The following ZNF441 variants were observed in gnomAD, a reference collection of about 807,000 sequenced individuals.
ZNF441 encodes zinc finger protein 441.
In ZNF441, 25 loss-of-function variants were observed where a neutral mutation model predicts 64.5. That is an observed-to-expected ratio of 0.39 (90% CI 0.28 to 0.54). The LOEUF (loss-of-function observed/expected upper bound fraction) is 0.54, where lower values mean the gene tolerates loss of function less well. Among genes scored for constraint, ZNF441 ranks in the 20% least tolerant of loss-of-function variants. ZNF441 has a pLI of 0.70. For synonymous variants in ZNF441, 262 were observed against 268.0 expected (o/e 0.98, Z 0.22); for missense variants, 715 against 843.3 (o/e 0.85, Z 1.88).
rs1358898007 is a variant in ZNF441 at position 11,783,688 on chromosome 19, G to A, written c.*1782G>A. 1 of 152,174 alleles carries A rather than the reference G, an allele frequency of 6.6e-6. No homozygotes were observed. The highest frequency in any genetic ancestry group is 6.6e-5 in the Admixed American group (1 of 15,264). The allele number at this position is 152,174 out of a possible 1,614,324, so 9.4% of individuals were successfully genotyped here. A position where few individuals can be genotyped will look rare whatever the true frequency, so the allele number is the denominator to read the frequency against. On this transcript the variant is annotated 3_prime_UTR_variant, in exon 4 of 4. Coordinates refer to ENST00000357901, the MANE Select transcript of ZNF441 (RefSeq NM_152355.3). ...AGGCACAGAAAGACAAATACCACATGTTCTCACTTATATGTGGGAGGTGAA... is the reference window on the plus strand; with the variant it reads ...AGGCACAGAAAGACAAATACCACATATTCTCACTTATATGTGGGAGGTGAA...
At chr19:11,777,522 A>G in intron 1 of ZNF441, 89 bp from the exon 2 acceptor site, 1 of 1,453,302 alleles carries the variant, frequency 6.9e-7, no homozygotes, top group Non-Finnish European at 9.3e-7. Context: ...CTTGGAAACC[A>G]CAGCATCATG....
At chr19:11,777,311 A>T (rs538243941) in intron 1 of ZNF441, among the ~76,000 whole-genome samples, 1 of 152,196 alleles carries the variant, frequency 6.6e-6, no homozygotes, top group East Asian at 1.9e-4. Context: ...TGTCATGACA[A>T]GAACTGCAGA....
intron 1 of ZNF441, among the ~76,000 whole-genome samples, chr19:11,768,792 T>C (rs1276441089): frequency 1.3e-5 from 2 of 152,058 alleles, no homozygotes; most frequent in Non-Finnish European, 2.9e-5. Context: ...TCCTTGGGGA[T>C]ATATGGCTGG....
At position 11,780,327 on chromosome 19, in the gene ZNF441, T is replaced by G; in HGVS notation, c.503T>G (p.Leu168Arg). 1.2e-6 allele frequency: 2 copies of G among 1,614,182 alleles called. No individual in the cohort carries two copies. The highest frequency in any genetic ancestry group is 1.7e-6 in the Non-Finnish European group (2 of 1,180,044). Residue 168 changes from leucine to arginine, a missense_variant, in exon 4 of 4, where the codon CTC (leucine) becomes CGC (arginine). Physicochemically the swap from Leu to Arg is moderately radical, Grantham distance 102 (BLOSUM62 -2). Coordinates refer to ENST00000357901, the MANE Select transcript of ZNF441 (RefSeq NM_152355.3). ...IHERPQHGKK[L>R]YDCKECASFS... The stretch of plus-strand genomic sequence containing the variant: ...GAAAGACCTCAGCATGGAAAGAAAC[T>G]CTATGATTGTAAGGAATGTGCAAGC...
chr19:11,775,853 C>G (rs1029286434), intron 1 of ZNF441, among the ~76,000 whole-genome samples: 1 of 151,860 alleles, frequency 6.6e-6, no homozygotes, highest in African/African-American at 2.4e-5. Context: ...GTCTCAAACT[C>G]CAGACCTCAG....
At position 11,783,009 on chromosome 19, in the gene ZNF441, A is replaced by G. The variant is rs765064162; in HGVS notation, c.*1103A>G. 2.0e-5 allele frequency: 3 copies of G among 152,228 alleles called. No homozygotes were observed. Among genetic ancestry groups the G allele is most frequent in the South Asian group, 2.1e-4 (1 of 4,834 alleles). The allele number at this position is 152,228 out of a possible 1,614,324, so 9.4% of individuals were successfully genotyped here. Reference sequence around the variant, plus strand: ...TAAAGGGAACAACAAGAGTGCAGAGAAAACCTGTTGAATATGAGAGAATAT... The same window carrying G: ...TAAAGGGAACAACAAGAGTGCAGAGGAAACCTGTTGAATATGAGAGAATAT... On this transcript the variant is annotated 3_prime_UTR_variant, in exon 4 of 4. Transcript: ENST00000357901.
chr19:11,778,053 T>C, intron 2 of ZNF441: 1 of 426,500 alleles, frequency 2.3e-6, no homozygotes, highest in Non-Finnish European at 4.2e-6. Context: ...GGAACATTAT[T>C]TAGTATTCAT....
Position 11,777,596 on chromosome 19 carries a change from T to G in ZNF441, c.4-15T>G. 6.2e-7 allele frequency: 1 copy of G among 1,608,208 alleles called. No individual in the cohort carries two copies. Among genetic ancestry groups the G allele is most frequent in the Non-Finnish European group, 8.5e-7 (1 of 1,177,242 alleles). ...AGTTTTAATATTCCTCCTCTGCACA[T>G]GTGAAATATTTCAGGACTCAGTGGC... On this transcript the variant is annotated splice_polypyrimidine_tract_variant and intron_variant, in intron 1 of 3. Coordinates refer to ENST00000357901, the MANE Select transcript of ZNF441 (RefSeq NM_152355.3).
intron 1 of ZNF441, among the ~76,000 whole-genome samples, chr19:11,768,632 T>C (rs1975289383): frequency 6.6e-6 from 1 of 152,200 alleles, no homozygotes; most frequent in Non-Finnish European, 1.5e-5. Flanking sequence ...TCAGTCCCTT[T>C]GTCACTCCTC....
chr19:11,773,208 T>G (rs1450637161), intron 1 of ZNF441, among the ~76,000 whole-genome samples: 1 of 152,178 alleles, frequency 6.6e-6, no homozygotes, highest in Non-Finnish European at 1.5e-5. Context: ...TTGACGCTTT[T>G]ATAGTTGAGA....
chr19:11,780,167 C>T lies in ZNF441; in HGVS notation c.343C>T (p.Arg115Cys), dbSNP rs752998318. ...SSECTDVLMG[R>C]SSLNCYVRVD... ...TGAGTGTACAGACGTCCTCATGGGT[C>T]GTTCATCTCTTAATTGCTACGTTAG... Residue 115 changes from arginine (R) to cysteine (C), a missense_variant, in exon 4 of 4, where the codon CGT (arginine) becomes TGT (cysteine). Coordinates refer to ENST00000357901, the MANE Select transcript of ZNF441 (RefSeq NM_152355.3). 14 of 1,613,958 alleles carry T rather than the reference C, an allele frequency of 8.7e-6. No individual in the cohort carries two copies. The highest frequency in any genetic ancestry group is 4.5e-5 in the East Asian group (2 of 44,876).
chr19:11,778,108 T>C (rs1190167393), intron 2 of ZNF441: 2 of 488,402 alleles, frequency 4.1e-6, no homozygotes, highest in Non-Finnish European at 7.3e-6. Context: ...TGTCTTTACA[T>C]TGAGTAGACT....
chr19:11,769,789 C>T (rs1384218620), intron 1 of ZNF441, among the ~76,000 whole-genome samples: 1 of 152,018 alleles, frequency 6.6e-6, no homozygotes, highest in Non-Finnish European at 1.5e-5. Flanking sequence ...GATTCTCCTG[C>T]CTCAGCTTCC....
chr19:11,770,610 T>C (rs1975305547), intron 1 of ZNF441, among the ~76,000 whole-genome samples: 1 of 152,200 alleles, frequency 6.6e-6, no homozygotes, highest in South Asian at 2.1e-4. Flanking sequence ...TTTTGCTTTG[T>C]TGTCCAGGCT....
intron 1 of ZNF441, among the ~76,000 whole-genome samples, chr19:11,770,648 A>G (rs112486744): frequency 0.011 from 1,717 of 152,164 alleles, 35 homozygotes; most frequent in African/African-American, 0.039. Flanking sequence ...TCTCACTGCA[A>G]CTTCTGCTCC....
rs1975412063 is a variant in ZNF441, at chr19:11,782,461, T to C, written c.*555T>C. The C allele has an allele frequency of 1.3e-5, 2 of 152,272 alleles. No individual in the cohort carries two copies. The highest frequency in any genetic ancestry group is 1.3e-4 in the Admixed American group (2 of 15,284). The allele number at this position is 152,272 out of a possible 1,614,324, so 9.4% of individuals were successfully genotyped here. A position where few individuals can be genotyped will look rare whatever the true frequency, so the allele number is the denominator to read the frequency against. The stretch of plus-strand genomic sequence containing the variant: ...TCTTAAATCATTTCTAGATTACTTA[T>C]AATACACAATGCATTGTAAATTCTG... On this transcript the variant is annotated 3_prime_UTR_variant, in exon 4 of 4. Transcript: ENST00000357901.
Position 11,778,387 on chromosome 19 carries a change from A to G in ZNF441, c.188A>G (p.Asn63Ser). 6.5e-7 allele frequency: 1 copy of G among 1,545,074 alleles called. No homozygotes were observed. Among genetic ancestry groups the G allele is most frequent in the Non-Finnish European group, 8.7e-7 (1 of 1,144,260 alleles). The part of the protein sequence containing the change: ...EEDQYKDLRR[N>S]LRCHMVERAC... ...GATCAGTACAAAGATCTCAGAAGAA[A>G]TCTAAGGTAATTTGCACTCACAAGA... The change falls in exon 3 of 4, where the codon AAT becomes AGT. Residue 63 changes from asparagine to serine, a missense_variant. By Grantham distance (46) the Asn-to-Ser change is conservative. Around this residue, in one of 2 missense-constraint regions of ZNF441, gnomAD observed 399 missense variants for 413.9 expected, o/e 0.96. Coordinates refer to ENST00000357901, the MANE Select transcript of ZNF441 (RefSeq NM_152355.3).
At chr19:11,775,496 A>T (rs1568480547) in intron 1 of ZNF441, among the ~76,000 whole-genome samples, 1 of 151,228 alleles carries the variant, frequency 6.6e-6, no homozygotes, top group Non-Finnish European at 1.5e-5. Flanking sequence ...CGCCCGGCTA[A>T]TTTTTTGTAT....
Position 11,780,352 on chromosome 19 carries a change from C to T in ZNF441, c.528C>T (p.Ser176=). The change falls in exon 4 of 4, where the codon AGC becomes AGT. Residue 176 remains serine (S), a synonymous_variant. Transcript: ENST00000357901. ...KKLYDCKECA[S]FSSLENLQRH... ...TCTATGATTGTAAGGAATGTGCAAG[C>T]TTCAGTTCTCTTGAAAACCTTCAAA... The T allele has an allele frequency of 1.2e-6, 2 of 1,614,188 alleles. No homozygotes were observed. The highest frequency in any genetic ancestry group is 1.7e-6 in the Non-Finnish European group (2 of 1,180,046).
Sources: allele counts gnomAD v4.1 joint callset (sites outside exome capture counted in the v4.1 genomes callset), GRCh38; gene constraint gnomAD v4.1.1; regional missense constraint gnomAD v4.1.1; transcripts MANE v1.5; gene names NCBI Gene and HGNC (gene_info 2026-07-23, HGNC 2026-07-21).